Variants in NDST4 observed in about 807,000 individuals in gnomAD.
The protein encoded by NDST4 is N-deacetylase and N-sulfotransferase 4, also known as N-heparan sulfate sulfotransferase 4.
A neutral mutation model predicts 100.8 loss-of-function variants in NDST4; 63 were observed. The observed-to-expected ratio is 0.62, with a 90% CI of 0.51 to 0.77. The LOEUF (loss-of-function observed/expected upper bound fraction) is 0.77, where lower values mean the gene tolerates loss of function less well. Ranked by LOEUF, NDST4 falls within the 30% of genes least tolerant of loss-of-function variation. The pLI, the probability that NDST4 is intolerant of heterozygous loss-of-function variation, is 0.00. For missense variants in NDST4, 943 were observed against 1,018.4 expected (o/e 0.93, Z 1.01); for synonymous variants, 377 against 361.8 (o/e 1.04, Z -0.48).
At chr4:115,036,893 ATATT>A (rs1255185587) in intron 2 of NDST4, among the ~76,000 whole-genome samples, 2 of 152,192 alleles carry the variant, frequency 1.3e-5, no homozygotes, top group South Asian at 4.1e-4. Flanking sequence ...TACTGATAAT[ATATT>A]TATCTGCAAA....
At chr4:114,842,566 C>T (rs529577719) in intron 10 of NDST4, 9 of 160,770 alleles carry the variant, frequency 5.6e-5, no homozygotes, top group Non-Finnish European at 8.4e-5. Context: ...CCGAGGCAGG[C>T]GGATCACGAG....
At chr4:115,057,443 A>C (rs1160585521) in intron 2 of NDST4, among the ~76,000 whole-genome samples, 12 of 151,934 alleles carry the variant, frequency 7.9e-5, no homozygotes, top group Admixed American at 5.3e-4. Flanking sequence ...AAAGGAGAGG[A>C]GGAGAGAGAG....
At chr4:115,031,375 G>A (rs1366550754) in intron 2 of NDST4, among the ~76,000 whole-genome samples, 1 of 152,056 alleles carries the variant, frequency 6.6e-6, no homozygotes, top group African/African-American at 2.4e-5. Flanking sequence ...TCAATTCACT[G>A]CTTGAGTGGA....
At chr4:114,878,463 T>C (rs1442419787) in intron 6 of NDST4, among the ~76,000 whole-genome samples, 1 of 152,200 alleles carries the variant, frequency 6.6e-6, no homozygotes, top group Admixed American at 6.5e-5. Context: ...GGGTATCGAT[T>C]AAAATATCCC....
chr4:114,864,985 G>A (rs1662029267), intron 7 of NDST4, among the ~76,000 whole-genome samples: 1 of 152,004 alleles, frequency 6.6e-6, no homozygotes, highest in Non-Finnish European at 1.5e-5. Context: ...TAATACTACT[G>A]GTATTTTCCC....
chr4:114,948,665 C>A (rs1394871657), intron 4 of NDST4, among the ~76,000 whole-genome samples: 1 of 151,864 alleles, frequency 6.6e-6, no homozygotes, highest in Non-Finnish European at 1.5e-5. Flanking sequence ...CAGTAAACAC[C>A]CCAATTATCC....
intron 6 of NDST4, among the ~76,000 whole-genome samples, chr4:114,881,898 A>G (rs1724377432): frequency 6.6e-6 from 1 of 152,148 alleles, no homozygotes; most frequent in Non-Finnish European, 1.5e-5. Flanking sequence ...ATTGAAGTGT[A>G]CATTTTAAAG....
chr4:114,953,952 C>T (rs1436368710), intron 4 of NDST4, among the ~76,000 whole-genome samples: 1 of 152,062 alleles, frequency 6.6e-6, no homozygotes, highest in Non-Finnish European at 1.5e-5. Context: ...ATTATTTAGC[C>T]ACTCATATAA....
In NDST4 at chr4:114,977,275, C is replaced by A; in HGVS notation, c.979-1G>T. On this transcript the variant is annotated splice_acceptor_variant, in intron 2 of 13. Coordinates refer to ENST00000264363, the MANE Select transcript of NDST4 (RefSeq NM_022569.3). LOFTEE classifies it high-confidence loss of function. ...GTAAATTTTGAGTCTCTAGTAATGC[C>A]TGAAATAAATAAGAAATTAACATGA... 1 of 1,578,250 alleles carries A rather than the reference C, an allele frequency of 6.3e-7. No homozygotes were observed.
At chr4:114,888,848 G>A (rs1250634858) in intron 6 of NDST4, among the ~76,000 whole-genome samples, 4 of 152,122 alleles carry the variant, frequency 2.6e-5, no homozygotes, top group Non-Finnish European at 5.9e-5. Context: ...ACAATAGGTA[G>A]TGGATTTTAA....
chr4:115,069,226 T>G (rs935912638), intron 2 of NDST4, among the ~76,000 whole-genome samples: 1 of 152,162 alleles, frequency 6.6e-6, no homozygotes, highest in South Asian at 2.1e-4. Context: ...ATAGTCATAG[T>G]TGAAAACTAT....
At chr4:114,848,562 A>G (rs1212705943) in intron 8 of NDST4, among the ~76,000 whole-genome samples, 1 of 152,190 alleles carries the variant, frequency 6.6e-6, no homozygotes, top group African/African-American at 2.4e-5. Flanking sequence ...ATATTAGCAC[A>G]TGGCCAAAGT....
At chr4:114,939,002 C>T (rs1356283481) in intron 4 of NDST4, among the ~76,000 whole-genome samples, 1 of 152,108 alleles carries the variant, frequency 6.6e-6, no homozygotes, top group East Asian at 1.9e-4. Flanking sequence ...GTTTCCAACA[C>T]AAGGCAAAGC....
In NDST4 at chr4:114,937,351, C is replaced by A; in HGVS notation, c.1374G>T (p.Arg458=). The change falls in exon 5 of 14, where the codon CGG becomes CGT. Residue 458 remains arginine, a synonymous_variant. Coordinates refer to ENST00000264363, the MANE Select transcript of NDST4 (RefSeq NM_022569.3). Reference sequence around the variant, plus strand: ...TATTGTGAATGAAGCCCTTTCTGTACCGGGCAGGTTTCAGATGTGGATATT... The same window carrying A: ...TATTGTGAATGAAGCCCTTTCTGTAACGGGCAGGTTTCAGATGTGGATATT... ...TEEYPHLKPA[R]YRKGFIHNSI... is the part of the protein sequence containing the mutation. 1 of 1,614,126 alleles carries A rather than the reference C, an allele frequency of 6.2e-7. No homozygotes were observed. The highest frequency in any genetic ancestry group is 8.5e-7 in the Non-Finnish European group (1 of 1,179,986).
chr4:115,050,762 C>G (rs1728565341), intron 2 of NDST4, among the ~76,000 whole-genome samples: 1 of 152,088 alleles, frequency 6.6e-6, no homozygotes, highest in South Asian at 2.1e-4. Context: ...TTGCATGTTT[C>G]CCACCAAAAG....
At chr4:115,098,781 C>G (rs1729672114) in intron 1 of NDST4, among the ~76,000 whole-genome samples, 1 of 152,152 alleles carries the variant, frequency 6.6e-6, no homozygotes, top group South Asian at 2.1e-4. Flanking sequence ...CTAACTGCAG[C>G]TTAGCCCTCC....
intron 2 of NDST4, among the ~76,000 whole-genome samples, chr4:115,027,780 G>A (rs1269425028): frequency 1.3e-5 from 2 of 152,084 alleles, no homozygotes; most frequent in Non-Finnish European, 2.9e-5. Flanking sequence ...ACGGCCACGA[G>A]CTTTGTCTTA....
chr4:115,009,044 G>C lies in NDST4; in HGVS notation c.979-31770C>G, dbSNP rs577119174. Among the ~76,000 whole-genome samples, 33 of 125,142 alleles carry C rather than the reference G, an allele frequency of 2.6e-4. 7 individuals are homozygous for C. In the South Asian group the frequency reaches 9.1e-3, roughly 34 times the overall value. The allele number at this position is 125,142 out of a possible 152,430, so 82.1% of individuals were successfully genotyped here. A position where few individuals can be genotyped will look rare whatever the true frequency, so the allele number is the denominator to read the frequency against. The stretch of plus-strand genomic sequence containing the variant: ...TCAATGAAATAAAAGAGGATACAAA[G>C]AAATGGAAGAACATTCCATGCTCAT... On this transcript the variant is annotated intron_variant, in intron 2 of 13. Coordinates refer to ENST00000264363, the MANE Select transcript of NDST4 (RefSeq NM_022569.3).
chr4:114,954,544 C>A (rs1726093060), intron 4 of NDST4, among the ~76,000 whole-genome samples: 1 of 152,108 alleles, frequency 6.6e-6, no homozygotes, highest in South Asian at 2.1e-4. Flanking sequence ...AGATAAGTAA[C>A]TTACTTATTT....
Sources: allele counts gnomAD v4.1 joint callset (sites outside exome capture counted in the v4.1 genomes callset), GRCh38; gene constraint gnomAD v4.1.1; transcripts MANE v1.5; gene names NCBI Gene and HGNC (gene_info 2026-07-23, HGNC 2026-07-21).